RPS6KA2: variants seen among roughly 807,000 people sequenced by gnomAD.
RPS6KA2 encodes the protein ribosomal protein S6 kinase A2.
RPS6KA2 carries 42 observed loss-of-function variants against 91.8 expected under a neutral mutation model. That is an observed-to-expected ratio of 0.46 (90% CI 0.36 to 0.59). The LOEUF (loss-of-function observed/expected upper bound fraction) is 0.59, where lower values mean the gene tolerates loss of function less well. RPS6KA2 is among the 20% of genes least tolerant of loss of function. RPS6KA2 has a pLI of 0.00. For synonymous variants in RPS6KA2, 414 were observed against 393.6 expected, an observed-to-expected ratio of 1.05 and a Z score of -0.61; for missense variants, 798 against 978.5, an observed-to-expected ratio of 0.82 and a Z score of 2.46.
At chr6:166,847,259 A>G (rs538736864) in intron 2 of RPS6KA2, among the ~76,000 whole-genome samples, 81 of 152,290 alleles carry the variant, frequency 5.3e-4, no homozygotes, top group African/African-American at 1.9e-3. Context: ...GAAATAATAG[A>G]TGACACAAAC....
intron 2 of RPS6KA2, among the ~76,000 whole-genome samples, chr6:166,754,076 T>C (rs1009979601): frequency 6.6e-6 from 1 of 152,230 alleles, no homozygotes; most frequent in Admixed American, 6.5e-5. Flanking sequence ...CCGAGGTGCA[T>C]GCAGTGATGA....
chr6:166,444,392 G>A (rs1216254643), intron 14 of RPS6KA2, among the ~76,000 whole-genome samples: 2 of 152,152 alleles, frequency 1.3e-5, no homozygotes, highest in Non-Finnish European at 2.9e-5. Context: ...TCCCTGGGTT[G>A]GTTATAAAAA....
chr6:166,813,073 T>C (rs957178062), intron 2 of RPS6KA2, among the ~76,000 whole-genome samples: 3 of 152,152 alleles, frequency 2.0e-5, no homozygotes, highest in African/African-American at 7.2e-5. Flanking sequence ...CTTGAGGGGT[T>C]GAGAGGCACT....
Position 166,532,188 on chromosome 6 carries a change from A to T in RPS6KA2, c.217-875T>A, listed in dbSNP as rs896494120. Among the ~76,000 whole-genome samples, 7 of 152,106 alleles carry T rather than the reference A, an allele frequency of 4.6e-5. No homozygotes were observed. The East Asian group carries it at 1.4e-3, about 29-fold the overall frequency. On this transcript the variant is annotated intron_variant, in intron 2 of 20. Transcript: ENST00000265678. ...TACTAAGCCTCAAAAAGCCAGAAAG[A>T]CCAGCCACTATAGATGTTCTAGTTC...
chr6:166,730,498 C>T (rs1475699050), intron 2 of RPS6KA2, among the ~76,000 whole-genome samples: 1 of 152,176 alleles, frequency 6.6e-6, no homozygotes, highest in Non-Finnish European at 1.5e-5. Context: ...TGACATGACA[C>T]TGTCATTCAT....
intron 12 of RPS6KA2, among the ~76,000 whole-genome samples, chr6:166,458,481 A>G (rs1780173659): frequency 6.6e-6 from 1 of 152,226 alleles, no homozygotes; most frequent in Admixed American, 6.5e-5. Flanking sequence ...AAAATTGCCC[A>G]GTCTCAGGTA....
chr6:166,415,562 G>A (rs76652536), intron 19 of RPS6KA2, among the ~76,000 whole-genome samples: 9,511 of 152,102 alleles, frequency 0.063, 650 homozygotes, highest in East Asian at 0.33. Context: ...ACCTCTGCCT[G>A]CAGCAGCGAT....
intron 2 of RPS6KA2, among the ~76,000 whole-genome samples, chr6:166,715,994 C>T (rs1430907814): frequency 7.5e-6 from 1 of 132,796 alleles, no homozygotes; most frequent in African/African-American, 2.9e-5. Flanking sequence ...GCCGAGACTG[C>T]ACCACTGCAC....
chr6:166,586,943 CATGTG>C (rs2128519386), intron 1 of RPS6KA2, among the ~76,000 whole-genome samples: 1 of 152,302 alleles, frequency 6.6e-6, no homozygotes, highest in East Asian at 1.9e-4. Flanking sequence ...CAGGTGTGGT[CATGTG>C]ACTAGCCCTG....
At chr6:166,457,303 G>A (rs1406093780) in intron 12 of RPS6KA2, among the ~76,000 whole-genome samples, 2 of 152,206 alleles carry the variant, frequency 1.3e-5, no homozygotes, top group East Asian at 3.8e-4. Context: ...AGGGGCAGGA[G>A]GGAATCCCCA....
In RPS6KA2 at chr6:166,612,803, C is replaced by T. The variant is rs979151683; in HGVS notation, c.99+14118G>A. Reference sequence around the variant, plus strand: ...TGCCAAATTTACTCCACATCAGCCTCTCTCTCTCCATGCCCTTGACCTGTC... The same window carrying T: ...TGCCAAATTTACTCCACATCAGCCTTTCTCTCTCCATGCCCTTGACCTGTC... On this transcript the variant is annotated intron_variant, in intron 1 of 20. Coordinates refer to ENST00000265678, the MANE Select transcript of RPS6KA2 (RefSeq NM_021135.6). This position sits in a 1 kb window ranked among gnomAD's most constrained non-coding sequence, Gnocchi z 4.3. 2.0e-5 allele frequency among the ~76,000 whole-genome samples: 3 copies of T among 152,152 alleles called. No individual in the cohort carries two copies. The South Asian group carries it at 6.2e-4, about 32-fold the overall frequency.
intron 2 of RPS6KA2, among the ~76,000 whole-genome samples, chr6:166,739,147 G>A (rs1389635240): frequency 6.6e-6 from 1 of 152,174 alleles, no homozygotes; most frequent in African/African-American, 2.4e-5. Flanking sequence ...TAAAATTCAT[G>A]ACAAGCTAAG....
intron 2 of RPS6KA2, among the ~76,000 whole-genome samples, chr6:166,658,644 A>T (rs1426770484): frequency 6.6e-6 from 1 of 152,192 alleles, no homozygotes; most frequent in Non-Finnish European, 1.5e-5. Context: ...GGGCACGGGG[A>T]GTAGGAGACA....
chr6:166,628,686 C>T (rs1241197640), upstream of RPS6KA2, among the ~76,000 whole-genome samples: 1 of 152,270 alleles, frequency 6.6e-6, no homozygotes, highest in Non-Finnish European at 1.5e-5. Flanking sequence ...GCTGCCCCTT[C>T]CTTGCTTGGT....
chr6:166,708,915 T>C (rs1789767800), intron 2 of RPS6KA2, among the ~76,000 whole-genome samples: 2 of 152,310 alleles, frequency 1.3e-5, no homozygotes, highest in South Asian at 4.2e-4. Context: ...TGTATTAAGT[T>C]CTGTGGAGTA....
At chr6:166,862,487 G>C in exon 1 of RPS6KA2, 1 of 778,158 alleles carries the variant, frequency 1.3e-6, no homozygotes, top group Non-Finnish European at 1.8e-6. Context: ...AGGGGACGGC[G>C]CTGCGGCTTC....
intron 2 of RPS6KA2, among the ~76,000 whole-genome samples, chr6:166,637,841 G>T (rs939740035): frequency 7.9e-5 from 12 of 152,240 alleles, no homozygotes; most frequent in Non-Finnish European, 1.5e-5. Flanking sequence ...TCTCAGCCGT[G>T]GGGGCCGCAG....
intron 2 of RPS6KA2, among the ~76,000 whole-genome samples, chr6:166,800,225 C>A (rs1405868734): frequency 2.0e-5 from 3 of 152,186 alleles, no homozygotes; most frequent in African/African-American, 4.8e-5. Flanking sequence ...GCCAACGTAC[C>A]AGGAGGCCGG....
At chr6:166,757,205 C>G (rs962863682) in intron 2 of RPS6KA2, among the ~76,000 whole-genome samples, 1 of 152,194 alleles carries the variant, frequency 6.6e-6, no homozygotes, top group African/African-American at 2.4e-5. Context: ...CTCCCCTTTG[C>G]TTCTGCACTT....
Sources: gnomAD v4.1 joint callset for allele counts (sites outside exome capture counted in the v4.1 genomes callset) on GRCh38, gnomAD v4.1.1 for gene constraint, Gnocchi (gnomAD v3.1) non-coding constraint, MANE v1.5 for transcripts, NCBI Gene and HGNC (gene_info 2026-07-23, HGNC 2026-07-21) for gene names.